The following LDB2 variants were observed in gnomAD, a reference collection of about 807,000 sequenced individuals.
LDB2 encodes the protein LIM domain-binding protein 2.
A neutral mutation model predicts 44.3 loss-of-function variants in LDB2; 12 were observed. The observed-to-expected ratio is 0.27, with a 90% CI of 0.17 to 0.44. The LOEUF is 0.44. LDB2 is among the 20% of genes least tolerant of loss of function. The pLI, the probability that LDB2 is intolerant of heterozygous loss-of-function variation, is 1.00. For missense variants in LDB2, 344 were observed against 473.5 expected (o/e 0.73, Z 2.54); for synonymous variants, 164 against 174.8 (o/e 0.94, Z 0.49).
rs1315288524 is a variant in LDB2, at chr4:16,659,671, G to GTGTA, written c.236-63797_236-63796insTACA. ...CACACATATGAGTATATCTATGTGT[G>GTGTA]TATATATATATATATATATATGTAT... On this transcript the variant is annotated intron_variant, in intron 2 of 7. Coordinates refer to ENST00000304523, the MANE Select transcript of LDB2 (RefSeq NM_001290.5). Among the ~76,000 whole-genome samples, 23 of 133,562 alleles carry GTGTA rather than the reference G, an allele frequency of 1.7e-4. 1 individual carries two copies. The highest frequency in any genetic ancestry group is 4.2e-4 in the Admixed American group (6 of 14,292). The allele number at this position is 133,562 out of a possible 152,430, so 87.6% of individuals were successfully genotyped here.
At chr4:16,620,710 G>A (rs1476301854) in intron 2 of LDB2, among the ~76,000 whole-genome samples, 2 of 152,140 alleles carry the variant, frequency 1.3e-5, no homozygotes, top group African/African-American at 4.8e-5. Context: ...TCCTGTTCTT[G>A]AATACAAGCT....
rs1051928393 is a variant in LDB2 at position 16,566,808 on chromosome 4, C to T, written c.615+19114G>A. Among the ~76,000 whole-genome samples, 40 of 152,024 alleles carry T rather than the reference C, an allele frequency of 2.6e-4. 1 individual carries two copies. The highest frequency in any genetic ancestry group is 7.4e-5 in the Non-Finnish European group (5 of 67,956). ...CATCCTACATATCTGTAAGGAAAAA[C>T]AACCCAGTTAAAAAATGGATTAAGT... On this transcript the variant is annotated intron_variant, in intron 5 of 7. Transcript: ENST00000304523.
In LDB2 at chr4:16,650,096, G is replaced by A. The variant is rs75673904; in HGVS notation, c.236-54221C>T. Among the ~76,000 whole-genome samples, 68 of 152,250 alleles carry A rather than the reference G, an allele frequency of 4.5e-4. 1 individual carries two copies. The East Asian group carries it at 0.01, about 23-fold the overall frequency. ...CTTTTCTGCTGTTTAATCAAGCAAG[G>A]AGTGTTAGAAGAAGAATCTCTGGAA... is the stretch of plus-strand genomic sequence containing the variant. On this transcript the variant is annotated intron_variant, in intron 2 of 7. Coordinates refer to ENST00000304523, the MANE Select transcript of LDB2 (RefSeq NM_001290.5).
intron 2 of LDB2, among the ~76,000 whole-genome samples, chr4:16,741,777 T>C (rs1448798611): frequency 6.6e-6 from 1 of 152,238 alleles, no homozygotes; most frequent in Non-Finnish European, 1.5e-5. Flanking sequence ...GCATCACATA[T>C]AGTTTGCTCA....
chr4:16,733,862 C>T (rs915667688), intron 2 of LDB2, among the ~76,000 whole-genome samples: 2 of 152,184 alleles, frequency 1.3e-5, no homozygotes, highest in Non-Finnish European at 2.9e-5. Flanking sequence ...TTACTTTTCA[C>T]ACTATCATCA....
In LDB2 at chr4:16,776,343, C is replaced by T. The variant is rs116354749; in HGVS notation, c.133-17083G>A. Among the ~76,000 whole-genome samples, 470 of 152,362 alleles carry T rather than the reference C, an allele frequency of 3.1e-3. 2 individuals carry two copies. The highest frequency in any genetic ancestry group is 0.016 in the South Asian group (75 of 4,830). ...ACTGAGAGAACCTGCCCACTTTCCCCACTCTTGCCTTCAGTGAAAACATTT... is the reference window on the plus strand; with the variant it reads ...ACTGAGAGAACCTGCCCACTTTCCCTACTCTTGCCTTCAGTGAAAACATTT... On this transcript the variant is annotated intron_variant, in intron 1 of 7. Coordinates refer to ENST00000304523, the MANE Select transcript of LDB2 (RefSeq NM_001290.5).
intron 5 of LDB2, among the ~76,000 whole-genome samples, chr4:16,554,836 A>G (rs527708798): frequency 6.6e-6 from 1 of 152,324 alleles, no homozygotes; most frequent in South Asian, 2.1e-4. Flanking sequence ...TGATACCACA[A>G]TGATGGATTC....
At chr4:16,883,135 A>G (rs1305279758) in intron 1 of LDB2, among the ~76,000 whole-genome samples, 1 of 152,254 alleles carries the variant, frequency 6.6e-6, no homozygotes. Context: ...AAGGCAAGAC[A>G]CTGTGACCAG....
At chr4:16,646,261 T>C (rs951053118) in intron 2 of LDB2, among the ~76,000 whole-genome samples, 6 of 152,160 alleles carry the variant, frequency 3.9e-5, no homozygotes, top group Non-Finnish European at 5.9e-5. Flanking sequence ...TTCCGCTTTC[T>C]TTTTTTGTCT....
chr4:16,875,159 G>A (rs899603795), intron 1 of LDB2, among the ~76,000 whole-genome samples: 3 of 152,078 alleles, frequency 2.0e-5, no homozygotes, highest in African/African-American at 7.2e-5. Context: ...AGCAGCTGGG[G>A]AAACATAGTG....
In LDB2 at chr4:16,567,489, A is replaced by G. The variant is rs528127464; in HGVS notation, c.615+18433T>C. On this transcript the variant is annotated intron_variant, in intron 5 of 7. Coordinates refer to ENST00000304523, the MANE Select transcript of LDB2 (RefSeq NM_001290.5). ...TGGAAGAAAATGCAAGAAACTGGCAATGTTAACTGCCTCTCTCTAGAGAGG... is the reference window on the plus strand; with the variant it reads ...TGGAAGAAAATGCAAGAAACTGGCAGTGTTAACTGCCTCTCTCTAGAGAGG... Among the ~76,000 whole-genome samples, 5 of 152,256 alleles carry G rather than the reference A, an allele frequency of 3.3e-5. No individual in the cohort carries two copies. The South Asian group carries it at 8.3e-4, about 25-fold the overall frequency.
At chr4:16,665,796 C>A (rs1219700806) in intron 2 of LDB2, among the ~76,000 whole-genome samples, 1 of 152,086 alleles carries the variant, frequency 6.6e-6, no homozygotes, top group African/African-American at 2.4e-5. Context: ...AATTTAGAAT[C>A]AACATGAGAT....
At chr4:16,725,877 A>G (rs1171539386) in intron 2 of LDB2, among the ~76,000 whole-genome samples, 2 of 114,190 alleles carry the variant, frequency 1.8e-5, no homozygotes, top group Non-Finnish European at 3.6e-5. Flanking sequence ...ATGTATATAT[A>G]TATTTATGTG....
chr4:16,687,408 G>C (rs1226848021), intron 2 of LDB2, among the ~76,000 whole-genome samples: 1 of 152,164 alleles, frequency 6.6e-6, no homozygotes, highest in African/African-American at 2.4e-5. Context: ...TATGAACCAG[G>C]AAGCAGGCTG....
In LDB2 at chr4:16,571,006, AG is replaced by A. The variant is rs566898127; in HGVS notation, c.615+14915del. On this transcript the variant is annotated intron_variant, in intron 5 of 7. Transcript: ENST00000304523. Reference sequence around the variant, plus strand: ...AAGGATCCTGATGCAGCAAGTACAAAGTCCCTGGCATGATAAGAAACTTGGT... The same window carrying A: ...AAGGATCCTGATGCAGCAAGTACAAATCCCTGGCATGATAAGAAACTTGGT... 9.8e-5 allele frequency among the ~76,000 whole-genome samples: 15 copies of A among 152,298 alleles called. No homozygotes were observed. In the South Asian group the frequency reaches 1.5e-3, roughly 15 times the overall value.
chr4:16,522,276 T>TTGTGTGTGCGCGTGTG (rs61400788), intron 5 of LDB2, among the ~76,000 whole-genome samples: 1 of 150,234 alleles, frequency 6.7e-6, no homozygotes, highest in Non-Finnish European at 1.5e-5. Context: ...GTGTGTGTGT[T>TTGTGTGTGCGCGTGTG]TGTGTGTGTG....
intron 1 of LDB2, among the ~76,000 whole-genome samples, chr4:16,843,109 C>T (rs553531457): frequency 8.5e-5 from 13 of 152,218 alleles, no homozygotes; most frequent in Admixed American, 2.0e-4. Flanking sequence ...CAAATCTGTA[C>T]TCTGTGGTGT....
At chr4:16,540,715 AT>A (rs1433539394) in intron 5 of LDB2, among the ~76,000 whole-genome samples, 1 of 152,166 alleles carries the variant, frequency 6.6e-6, no homozygotes, top group Non-Finnish European at 1.5e-5. Context: ...ACTGGATTTT[AT>A]TTTTTAAAAA....
At chr4:16,771,278 A>G (rs1305938928) in intron 1 of LDB2, among the ~76,000 whole-genome samples, 1 of 152,230 alleles carries the variant, frequency 6.6e-6, no homozygotes, top group Non-Finnish European at 1.5e-5. Context: ...AAAGACAAAT[A>G]TAAGAAACCC....
Sources: gnomAD v4.1 joint callset for allele counts (sites outside exome capture counted in the v4.1 genomes callset) on GRCh38, gnomAD v4.1.1 for gene constraint, MANE v1.5 for transcripts, NCBI Gene and HGNC (gene_info 2026-07-23, HGNC 2026-07-21) for gene names.